Variants in CDIN1 observed in about 807,000 individuals in gnomAD.
CDIN1 encodes the protein CDAN1-interacting nuclease 1.
Under a neutral mutation model 45.3 loss-of-function variants are expected in CDIN1, and 33 were observed. The ratio of observed to expected loss-of-function variants is 0.73; its 90% confidence interval spans 0.55 to 0.97. The LOEUF (loss-of-function observed/expected upper bound fraction) is 0.97, where lower values mean the gene tolerates loss of function less well. Among genes scored for constraint, CDIN1 ranks in the 50% least tolerant of loss-of-function variants. The pLI is 0.00. For missense variants in CDIN1, 303 were observed against 339.4 expected (o/e 0.89, Z 0.84); for synonymous variants, 118 against 124.4 (o/e 0.95, Z 0.34).
At chr15:36,773,385 A>G (rs1397357393) in intron 10 of CDIN1, among the ~76,000 whole-genome samples, 2 of 152,236 alleles carry the variant, frequency 1.3e-5, no homozygotes, top group Non-Finnish European at 1.5e-5. Context: ...TTATATTGCC[A>G]TTCAACACTG....
chr15:36,799,634 G>C (rs1020523072), intron 10 of CDIN1: 1 of 152,126 alleles, frequency 6.6e-6, no homozygotes, highest in Admixed American at 6.6e-5. Context: ...TGAACCCTTT[G>C]GCATTTTGTT....
At chr15:36,673,436 A>C (rs535286694) in intron 5 of CDIN1, among the ~76,000 whole-genome samples, 1 of 152,250 alleles carries the variant, frequency 6.6e-6, no homozygotes, top group African/African-American at 2.4e-5. Flanking sequence ...TTAATAAACA[A>C]ATTTGCTCAG....
chr15:36,589,169 T>C (rs905962493), intron 1 of CDIN1, among the ~76,000 whole-genome samples: 1 of 152,200 alleles, frequency 6.6e-6, no homozygotes, highest in Non-Finnish European at 1.5e-5. Flanking sequence ...GCCATTGTTT[T>C]TATTACACAT....
chr15:36,681,235 G>A (rs1244270152), intron 5 of CDIN1, among the ~76,000 whole-genome samples: 1 of 152,072 alleles, frequency 6.6e-6, no homozygotes, highest in African/African-American at 2.4e-5. Context: ...AAAATAAAAT[G>A]TAGAAATGAA....
chr15:36,596,794 A>G (rs1002087619), intron 1 of CDIN1, among the ~76,000 whole-genome samples: 1 of 152,136 alleles, frequency 6.6e-6, no homozygotes, highest in African/African-American at 2.4e-5. Context: ...ACAAAAAACA[A>G]AAAACAACAA....
chr15:36,795,863 T>A (rs952429775), intron 10 of CDIN1, among the ~76,000 whole-genome samples: 1 of 152,120 alleles, frequency 6.6e-6, no homozygotes, highest in Admixed American at 6.5e-5. Flanking sequence ...CCTCTGCACC[T>A]GAACTAGCTC....
At chr15:36,749,864 G>A (rs932258728) in intron 10 of CDIN1, among the ~76,000 whole-genome samples, 2 of 152,164 alleles carry the variant, frequency 1.3e-5, no homozygotes, top group African/African-American at 4.8e-5. Flanking sequence ...AGAAGGAAAG[G>A]GCATTGGTGC....
At chr15:36,627,349 G>T (rs2039478980) in intron 1 of CDIN1, 1 of 159,830 alleles carries the variant, frequency 6.3e-6, no homozygotes, top group South Asian at 1.8e-4. Context: ...TCAAGGACTT[G>T]AGTCTGAAGT....
rs1300565661 is a variant in CDIN1 at position 36,614,465 on chromosome 15, A to G, written c.102-29813A>G. ...ACAATGCATAGTGTCTTTAAAAAGC[A>G]TGTTATGATGTACACATTTTGTAAT... On this transcript the variant is annotated intron_variant, in intron 1 of 10. Transcript: ENST00000566621. 5.3e-5 allele frequency among the ~76,000 whole-genome samples: 8 copies of G among 152,234 alleles called. No individual in the cohort carries two copies. The East Asian group carries it at 7.7e-4, about 15-fold the overall frequency.
intron 5 of CDIN1, among the ~76,000 whole-genome samples, chr15:36,663,989 T>C (rs2041131962): frequency 6.6e-6 from 1 of 152,192 alleles, no homozygotes; most frequent in African/African-American, 2.4e-5. Flanking sequence ...GCATTATCTT[T>C]AGCAAACTTC....
At chr15:36,606,305 C>T (rs2038377223) in intron 1 of CDIN1, among the ~76,000 whole-genome samples, 1 of 152,076 alleles carries the variant, frequency 6.6e-6, no homozygotes, top group African/African-American at 2.4e-5. Flanking sequence ...GGAAGAAATA[C>T]ACTTTTTGGC....
chr15:36,760,822 T>C (rs1273874857), intron 10 of CDIN1, among the ~76,000 whole-genome samples: 1 of 152,158 alleles, frequency 6.6e-6, no homozygotes, highest in Non-Finnish European at 1.5e-5. Flanking sequence ...ACTTTCCAAG[T>C]CAAAGGGATC....
At chr15:36,689,303 T>A (rs942163474) in intron 5 of CDIN1, among the ~76,000 whole-genome samples, 47 of 152,316 alleles carry the variant, frequency 3.1e-4, no homozygotes, top group Non-Finnish European at 3.8e-4. Context: ...TTTCTTTTTT[T>A]AAAAAACAGC....
intron 10 of CDIN1, among the ~76,000 whole-genome samples, chr15:36,722,448 A>C (rs2043458809): frequency 6.6e-6 from 1 of 152,130 alleles, no homozygotes; most frequent in African/African-American, 2.4e-5. Context: ...AATATGTTCA[A>C]GGCCAAGGAT....
At chr15:36,653,443 A>G (rs1317792108) in intron 3 of CDIN1, among the ~76,000 whole-genome samples, 1 of 107,808 alleles carries the variant, frequency 9.3e-6, no homozygotes, top group Non-Finnish European at 1.8e-5. Flanking sequence ...GGAATGACAC[A>G]TTCAAATTTT....
rs148707592 is a variant in CDIN1, at chr15:36,581,719, A to G, written c.101+1758A>G. Among the ~76,000 whole-genome samples the G allele has an allele frequency of 3.5e-3, 538 of 152,322 alleles. 5 individuals carry two copies. Among genetic ancestry groups the G allele is most frequent in the African/African-American group, 0.012 (500 of 41,580 alleles). ...GTAGCAAAACCCCGTCTCTAATAAA[A>G]ATCCAAAAAATTAGCTGGGTGTGGT... is the stretch of plus-strand genomic sequence containing the variant. On this transcript the variant is annotated intron_variant, in intron 1 of 10. Coordinates refer to ENST00000566621, the MANE Select transcript of CDIN1 (RefSeq NM_001321759.2).
At chr15:36,618,780 AG>A (rs397818229) in intron 1 of CDIN1, 2 of 757,676 alleles carry the variant, frequency 2.6e-6, no homozygotes, top group South Asian at 1.4e-5. Context: ...AAAAAAAAAA[AG>A]GATCTAATAG....
intron 10 of CDIN1, among the ~76,000 whole-genome samples, chr15:36,735,686 A>ATAAGT (rs71126234): frequency 0.47 from 70,878 of 151,452 alleles, 16,738 homozygotes; most frequent in East Asian, 0.66. Flanking sequence ...AGACTGTAAG[A>ATAAGT]TAAGTGAAGA....
At chr15:36,746,680 C>CACACACAT (rs1316060644) in intron 10 of CDIN1, among the ~76,000 whole-genome samples, 6 of 150,512 alleles carry the variant, frequency 4.0e-5, no homozygotes, top group African/African-American at 1.5e-4. Flanking sequence ...CACACACACA[C>CACACACAT]ACACACACAC....
Sources: gnomAD v4.1 joint callset for allele counts (sites outside exome capture counted in the v4.1 genomes callset) on GRCh38, gnomAD v4.1.1 for gene constraint, MANE v1.5 for transcripts, NCBI Gene and HGNC (gene_info 2026-07-23, HGNC 2026-07-21) for gene names.